DDX19A: variants seen among roughly 807,000 people sequenced by gnomAD.
The protein encoded by DDX19A is ATP-dependent RNA helicase DDX19A.
Under a neutral mutation model 60.6 loss-of-function variants are expected in DDX19A, and 12 were observed. That is an observed-to-expected ratio of 0.20 (90% CI 0.13 to 0.32). DDX19A has a LOEUF of 0.32. Ranked by LOEUF, DDX19A falls within the 10% of genes least tolerant of loss-of-function variation. The probability of loss-of-function intolerance (pLI) is 1.00; values close to 1 mark genes in which losing one functional copy is unlikely to be tolerated. For synonymous variants in DDX19A, 206 were observed against 218.2 expected (o/e 0.94, Z 0.49); for missense variants, 337 against 600.6 (o/e 0.56, Z 4.59).
chr16:70,357,218 CACTGCACTCCAGCCTGGGCA>C (rs1382438123), intron 4 of DDX19A, among the ~76,000 whole-genome samples: 1 of 146,740 alleles, frequency 6.8e-6, no homozygotes, highest in African/African-American at 2.5e-5. Context: ...AAGTTCGTGC[CACTGCACTCCAGCCTGGGCA>C]ACAGAGCGAG....
Position 70,372,273 on chromosome 16 carries a change from C to T in DDX19A, c.*287C>T. On this transcript the variant is annotated 3_prime_UTR_variant, in exon 12 of 12. Transcript: ENST00000302243. ...TGGTCACAGTGGTAGTCGCTGGCCC[C>T]AGGACCCCCTCCTGATTTTGGCTAG... 2.0e-6 allele frequency: 1 copy of T among 505,868 alleles called. No individual in the cohort carries two copies. The allele number at this position is 505,868 out of a possible 1,614,324, so 31.3% of individuals were successfully genotyped here.
At chr16:70,366,462 T>C (rs1306651068) in intron 8 of DDX19A, 162 bp from the exon 9 acceptor site, 19 of 1,239,122 alleles carry the variant, frequency 1.5e-5, no homozygotes, top group Middle Eastern at 2.7e-4. Flanking sequence ...TAGGGACTCT[T>C]CCCCAACCCT....
intron 4 of DDX19A, among the ~76,000 whole-genome samples, chr16:70,358,463 C>T (rs989518816): frequency 6.6e-6 from 1 of 151,126 alleles, no homozygotes; most frequent in Admixed American, 6.6e-5. Context: ...AGCCACTGCA[C>T]CTGGCCCAAT....
At chr16:70,356,501 C>T (rs1052072218) in intron 4 of DDX19A, among the ~76,000 whole-genome samples, 2 of 151,898 alleles carry the variant, frequency 1.3e-5, no homozygotes, top group Non-Finnish European at 2.9e-5. Flanking sequence ...GGATTACAGG[C>T]GCCCACCACC....
chr16:70,356,150 A>G lies in DDX19A; in HGVS notation c.196A>G (p.Arg66Gly), dbSNP rs1312211441. 2 of 1,613,966 alleles carry G rather than the reference A, an allele frequency of 1.2e-6. No individual in the cohort carries two copies. Among genetic ancestry groups the G allele is most frequent in the Non-Finnish European group, 1.7e-6 (2 of 1,180,028 alleles). ...CCAGTCCTTACTCAACAAGCTGATC[A>G]GAAGCAACCTTGTTGATAACACAAA... ...AAQSLLNKLI[R>G]SNLVDNTNQV... The change falls in exon 4 of 12, where the codon AGA (arginine) becomes GGA (glycine). Residue 66 changes from arginine to glycine, a missense_variant. Around this residue, in one of 6 missense-constraint regions of DDX19A, gnomAD observed 127 missense variants for 160.3 expected, o/e 0.79. Coordinates refer to ENST00000302243, the MANE Select transcript of DDX19A (RefSeq NM_018332.5).
At chr16:70,351,359 C>T (rs1489423700) in intron 2 of DDX19A, among the ~76,000 whole-genome samples, 3 of 151,738 alleles carry the variant, frequency 2.0e-5, no homozygotes, top group African/African-American at 4.8e-5. Flanking sequence ...GCATCCACCA[C>T]CACACCTGGC....
intron 5 of DDX19A, chr16:70,364,074 G>A (rs1964449373): frequency 6.5e-6 from 1 of 154,162 alleles, no homozygotes; most frequent in South Asian, 2.0e-4. Context: ...CCATGATGCT[G>A]GGTCCCATAA....
chr16:70,365,345 C>A (rs1418226842), intron 7 of DDX19A: 4 of 381,594 alleles, frequency 1.0e-5, no homozygotes. Context: ...AAAAAAAAAT[C>A]CACGCATGGC....
At chr16:70,362,150 G>A (rs1964380519) in intron 5 of DDX19A, among the ~76,000 whole-genome samples, 2 of 150,794 alleles carry the variant, frequency 1.3e-5, no homozygotes, top group South Asian at 4.2e-4. Flanking sequence ...ACTCTAGCCT[G>A]GTGACAGCAA....
chr16:70,363,031 T>G (rs1288713675), intron 5 of DDX19A, among the ~76,000 whole-genome samples: 1 of 149,748 alleles, frequency 6.7e-6, no homozygotes, highest in Admixed American at 6.7e-5. Context: ...AAAAAAAAAT[T>G]TGTAGAGACA....
chr16:70,360,321 C>CTTTTTTTTTTTT (rs1555552998), intron 4 of DDX19A, among the ~76,000 whole-genome samples: 1 of 133,490 alleles, frequency 7.5e-6, no homozygotes, highest in African/African-American at 2.7e-5. Flanking sequence ...TTCTTTCTTT[C>CTTTTTTTTTTTT]TTTTTTTTTT....
At chr16:70,371,267 C>A in intron 10 of DDX19A, 105 bp from the exon 11 acceptor site, 1 of 1,602,952 alleles carries the variant, frequency 6.2e-7, no homozygotes, top group Non-Finnish European at 8.5e-7. Context: ...GTCCCAAATT[C>A]TTTCCCTCTA....
intron 2 of DDX19A, among the ~76,000 whole-genome samples, chr16:70,353,129 C>CT (rs1308743627): frequency 1.7e-4 from 24 of 144,604 alleles, no homozygotes; most frequent in East Asian, 4.1e-4. Context: ...TTCTTTCTTT[C>CT]TTTTTTTTTT....
rs751659493 is a variant in DDX19A at position 70,346,904 on chromosome 16, C to T, written c.-88C>T. Reference sequence around the variant, plus strand: ...CGCCGCTTCCGGTCCGCGTGAGGTGCATTCTCGCGCCGGTGGCGAGGTTAG... The same window carrying T: ...CGCCGCTTCCGGTCCGCGTGAGGTGTATTCTCGCGCCGGTGGCGAGGTTAG... On this transcript the variant is annotated 5_prime_UTR_variant, in exon 1 of 12. Transcript: ENST00000302243. 7 of 1,344,688 alleles carry T rather than the reference C, an allele frequency of 5.2e-6. No homozygotes were observed. The highest frequency in any genetic ancestry group is 5.0e-5 in the East Asian group (2 of 40,400). The allele number at this position is 1,344,688 out of a possible 1,614,324, so 83.3% of individuals were successfully genotyped here. A position where few individuals can be genotyped will look rare whatever the true frequency, so the allele number is the denominator to read the frequency against.
intron 4 of DDX19A, 104 bp from the exon 5 acceptor site, chr16:70,361,314 G>C: frequency 2.3e-6 from 2 of 878,232 alleles, no homozygotes; most frequent in Non-Finnish European, 3.7e-6. Context: ...ACGTCTGACA[G>C]AGGTAGGAGG....
chr16:70,349,956 T>A (rs950460102), intron 1 of DDX19A, among the ~76,000 whole-genome samples: 1 of 152,192 alleles, frequency 6.6e-6, no homozygotes, highest in Non-Finnish European at 1.5e-5. Context: ...ATTCATGGTC[T>A]TAGGTTATCA....
At position 70,358,551 on chromosome 16, in the gene DDX19A, G is replaced by C. The variant is rs749673844; in HGVS notation, c.293+2304G>C. On this transcript the variant is annotated intron_variant, in intron 4 of 11. Transcript: ENST00000302243. Reference sequence around the variant, plus strand: ...CAGACCAAAAATGTATTTTTAAACAGTTATACTTTAGGTCGGGCACGGTGG... The same window carrying C: ...CAGACCAAAAATGTATTTTTAAACACTTATACTTTAGGTCGGGCACGGTGG... Among the ~76,000 whole-genome samples the C allele has an allele frequency of 2.1e-4, 32 of 151,206 alleles. 1 individual carries two copies. The Middle Eastern group carries it at 0.014, about 65-fold the overall frequency.
At chr16:70,360,667 TTGTC>T (rs1175609929) in intron 4 of DDX19A, 3 of 152,164 alleles carry the variant, frequency 2.0e-5, no homozygotes, top group Admixed American at 6.5e-5. Context: ...TACCTATTGA[TTGTC>T]TGGAGTATTT....
At position 70,364,186 on chromosome 16, in the gene DDX19A, C is replaced by T. The variant is rs377524292; in HGVS notation, c.387-357C>T. ...CAGAAGGAACCAAATTCTGGGAATG[C>T]ATCATGGCTCAGCCAAAAATATTGC... On this transcript the variant is annotated intron_variant, in intron 5 of 11. Transcript: ENST00000302243. 30 of 181,854 alleles carry T rather than the reference C, an allele frequency of 1.6e-4. 1 individual carries two copies. The highest frequency in any genetic ancestry group is 5.9e-4 in the African/African-American group (25 of 42,476). The allele number at this position is 181,854 out of a possible 1,614,324, so 11.3% of individuals were successfully genotyped here.
Sources: allele counts gnomAD v4.1 joint callset (sites outside exome capture counted in the v4.1 genomes callset), GRCh38; gene constraint gnomAD v4.1.1; regional missense constraint gnomAD v4.1.1; transcripts MANE v1.5; gene names NCBI Gene and HGNC (gene_info 2026-07-23, HGNC 2026-07-21).